The following PCCA variants were observed in gnomAD, a reference collection of about 807,000 sequenced individuals.
The protein encoded by PCCA is propionyl-CoA carboxylase alpha chain, mitochondrial.
A neutral mutation model predicts 101.3 loss-of-function variants in PCCA; 74 were observed. The observed-to-expected ratio is 0.73, with a 90% CI of 0.61 to 0.89. PCCA has a LOEUF of 0.89. PCCA is among the 40% of genes least tolerant of loss of function. PCCA has a pLI of 0.00. For synonymous variants in PCCA, 294 were observed against 313.6 expected (o/e 0.94, Z 0.66); for missense variants, 891 against 907.0 (o/e 0.98, Z 0.23).
chr13:100,335,838 C>T (rs1313816948), intron 17 of PCCA, among the ~76,000 whole-genome samples: 1 of 152,196 alleles, frequency 6.6e-6, no homozygotes, highest in Non-Finnish European at 1.5e-5. Context: ...GTGAGATGAC[C>T]TAAAGATTCC....
chr13:100,300,838 A>C (rs1486119487), intron 12 of PCCA, among the ~76,000 whole-genome samples: 1 of 152,266 alleles, frequency 6.6e-6, no homozygotes, highest in Non-Finnish European at 1.5e-5. Context: ...AGTTATCAGC[A>C]ATCTGCTGAG....
At chr13:100,351,678 C>T (rs1023122636) in intron 18 of PCCA, among the ~76,000 whole-genome samples, 1 of 152,158 alleles carries the variant, frequency 6.6e-6, no homozygotes, top group Non-Finnish European at 1.5e-5. Flanking sequence ...TTTAATATCT[C>T]TTCATCAGTT....
At chr13:100,314,644 C>G (rs955878085) in intron 16 of PCCA, among the ~76,000 whole-genome samples, 1 of 152,068 alleles carries the variant, frequency 6.6e-6, no homozygotes, top group African/African-American at 2.4e-5. Context: ...GATATTCTTG[C>G]CAAAAATGTA....
At chr13:100,264,963 A>G (rs562583396) in intron 10 of PCCA, among the ~76,000 whole-genome samples, 2 of 152,270 alleles carry the variant, frequency 1.3e-5, no homozygotes, top group African/African-American at 4.8e-5. Context: ...TTATAAGTTT[A>G]TTGACCATTT....
chr13:100,398,818 A>G (rs9585432), intron 19 of PCCA, among the ~76,000 whole-genome samples: 4,833 of 152,198 alleles, frequency 0.032, 251 homozygotes, highest in African/African-American at 0.11. Context: ...TAACCACTAC[A>G]TTACTTCCCG....
At chr13:100,487,679 G>A (rs1008251095) in intron 21 of PCCA, among the ~76,000 whole-genome samples, 1 of 152,078 alleles carries the variant, frequency 6.6e-6, no homozygotes, top group Non-Finnish European at 1.5e-5. Flanking sequence ...GCCTTTCCCA[G>A]AGCTCATTTT....
At chr13:100,176,359 T>A (rs9518016) in intron 6 of PCCA, among the ~76,000 whole-genome samples, 105,667 of 152,166 alleles carry the variant, frequency 0.69, 37,660 homozygotes, top group African/African-American at 0.86. Context: ...ATGGTGTAGC[T>A]TTAGAAAACT....
At chr13:100,241,931 C>A (rs1159843772) in intron 8 of PCCA, among the ~76,000 whole-genome samples, 1 of 152,058 alleles carries the variant, frequency 6.6e-6, no homozygotes, top group Admixed American at 6.6e-5. Context: ...TATGGTAATT[C>A]TATGTGTAAC....
intron 21 of PCCA, among the ~76,000 whole-genome samples, chr13:100,458,169 G>A (rs1038178589): frequency 6.6e-6 from 1 of 151,946 alleles, no homozygotes; most frequent in East Asian, 1.9e-4. Flanking sequence ...CTGTTACGCT[G>A]TTTGAACTTT....
chr13:100,258,195 C>T (rs924688338), intron 9 of PCCA, among the ~76,000 whole-genome samples: 35 of 152,230 alleles, frequency 2.3e-4, no homozygotes, highest in African/African-American at 6.0e-4. Context: ...ATATGGAATG[C>T]GCTCTTATTA....
intron 6 of PCCA, among the ~76,000 whole-genome samples, chr13:100,178,901 C>T (rs917974068): frequency 2.0e-5 from 3 of 151,672 alleles, no homozygotes; most frequent in Non-Finnish European, 2.9e-5. Context: ...CACTGTGAAA[C>T]CCCATCTCTA....
intron 19 of PCCA, among the ~76,000 whole-genome samples, chr13:100,380,366 C>A (rs1274785317): frequency 6.6e-6 from 1 of 152,078 alleles, no homozygotes; most frequent in African/African-American, 2.4e-5. Flanking sequence ...TGTCTCAAAA[C>A]CAACCAAACA....
chr13:100,517,683 C>T (rs554882712), intron 22 of PCCA, among the ~76,000 whole-genome samples: 4 of 152,204 alleles, frequency 2.6e-5, no homozygotes, highest in Admixed American at 6.5e-5. Flanking sequence ...TCAGGTGGGG[C>T]GTATACTTGC....
At chr13:100,122,187 A>G (rs1206634003) in intron 4 of PCCA, among the ~76,000 whole-genome samples, 1 of 152,168 alleles carries the variant, frequency 6.6e-6, no homozygotes, top group East Asian at 1.9e-4. Flanking sequence ...CCAGCCTTGA[A>G]TTCCTGAGAT....
chr13:100,456,943 G>C (rs2081780242), intron 21 of PCCA, among the ~76,000 whole-genome samples: 1 of 151,308 alleles, frequency 6.6e-6, no homozygotes. Context: ...CCAAGGAAAA[G>C]AGACTCCGTT....
At chr13:100,373,983 G>A (rs757015273) in intron 19 of PCCA, among the ~76,000 whole-genome samples, 3 of 151,976 alleles carry the variant, frequency 2.0e-5, no homozygotes, top group Non-Finnish European at 2.9e-5. Context: ...GTGGTAGCAC[G>A]CGCCTGTAAT....
intron 16 of PCCA, among the ~76,000 whole-genome samples, chr13:100,319,963 A>G (rs1331665326): frequency 2.6e-5 from 4 of 152,238 alleles, no homozygotes; most frequent in Admixed American, 6.5e-5. Context: ...ATCCATGAGC[A>G]TGGAATGTTC....
chr13:100,318,325 C>A (rs1002838938), intron 16 of PCCA, among the ~76,000 whole-genome samples: 2 of 149,224 alleles, frequency 1.3e-5, no homozygotes, highest in East Asian at 2.3e-4. Context: ...ACAGTGAAAT[C>A]TCTCTCTGTC....
chr13:100,392,722 T>TA (rs1438562068), intron 19 of PCCA, among the ~76,000 whole-genome samples: 3 of 152,352 alleles, frequency 2.0e-5, no homozygotes, highest in Middle Eastern at 3.4e-3. Flanking sequence ...GGTGGTAAGT[T>TA]ACCATGTTTC....
Sources: allele counts gnomAD v4.1 joint callset (sites outside exome capture counted in the v4.1 genomes callset), GRCh38; gene constraint gnomAD v4.1.1; transcripts MANE v1.5; gene names NCBI Gene and HGNC (gene_info 2026-07-23, HGNC 2026-07-21).